Variants in EFR3B observed in about 807,000 individuals in gnomAD.
The protein encoded by EFR3B is EFR3 homolog B.
Under a neutral mutation model 104.7 loss-of-function variants are expected in EFR3B, and 64 were observed. The ratio of observed to expected loss-of-function variants is 0.61; its 90% CI spans 0.50 to 0.75. The LOEUF is 0.75. EFR3B is among the 30% of genes least tolerant of loss of function. EFR3B has a pLI of 0.00. For missense variants in EFR3B, 750 were observed against 1,078.5 expected (o/e 0.70, Z 4.27); for synonymous variants, 385 against 417.9 (o/e 0.92, Z 0.96).
At chr2:25,083,109 A>G (rs1200372188) in intron 1 of EFR3B, among the ~76,000 whole-genome samples, 2 of 152,218 alleles carry the variant, frequency 1.3e-5, no homozygotes, top group African/African-American at 4.8e-5. Context: ...CAGTGCAGCT[A>G]CATACTAGGG....
intron 21 of EFR3B, 110 bp downstream of exon 21, chr2:25,152,130 C>T: frequency 1.0e-5 from 10 of 965,882 alleles, no homozygotes; most frequent in Non-Finnish European, 1.6e-5. Flanking sequence ...CCACCAACCT[C>T]CCCCACCCCC....
chr2:25,051,394 C>T (rs1297746664), intron 1 of EFR3B, among the ~76,000 whole-genome samples: 1 of 151,514 alleles, frequency 6.6e-6, no homozygotes, highest in Non-Finnish European at 1.5e-5. Context: ...GGATTACAGG[C>T]GTGAGCCACC....
At chr2:25,088,303 A>T (rs1669015774) in intron 1 of EFR3B, among the ~76,000 whole-genome samples, 1 of 152,152 alleles carries the variant, frequency 6.6e-6, no homozygotes, top group African/African-American at 2.4e-5. Context: ...CCAGACAGGA[A>T]TGCAGGTTGA....
intron 1 of EFR3B, among the ~76,000 whole-genome samples, chr2:25,073,123 C>A (rs72807662): frequency 3.9e-5 from 6 of 152,028 alleles, no homozygotes; most frequent in Non-Finnish European, 5.9e-5. Context: ...AATTCAACAC[C>A]CAGATAAACA....
chr2:25,095,698 AAAC>A (rs1447225636), intron 3 of EFR3B, among the ~76,000 whole-genome samples: 4 of 152,146 alleles, frequency 2.6e-5, no homozygotes, highest in African/African-American at 9.7e-5. Context: ...CCTGTCTCAA[AAAC>A]AACAACAAAA....
At chr2:25,092,954 G>A (rs530010891) in intron 2 of EFR3B, 49 bp from the exon 3 acceptor site, 50 of 1,533,682 alleles carry the variant, frequency 3.3e-5, no homozygotes, top group African/African-American at 1.5e-4. Context: ...ACTTGAACTC[G>A]TCTAGCCATA....
rs184801343 is a variant in EFR3B, at chr2:25,065,393, G to A, written c.7+23074G>A. Among the ~76,000 whole-genome samples, 312 of 132,068 alleles carry A rather than the reference G, an allele frequency of 2.4e-3. 1 individual carries two copies. Among genetic ancestry groups the A allele is most frequent in the Middle Eastern group, 0.011 (2 of 186 alleles). The allele number at this position is 132,068 out of a possible 152,430, so 86.6% of individuals were successfully genotyped here. A position where few individuals can be genotyped will look rare whatever the true frequency, so the allele number is the denominator to read the frequency against. On this transcript the variant is annotated intron_variant, in intron 1 of 22. Coordinates refer to ENST00000403714, the MANE Select transcript of EFR3B (RefSeq NM_014971.2). ...TTTGGTTCAGATGAGTTCTCACTGC[G>A]TTGCCCAGGATGATCTCAAACTCCT...
chr2:25,050,434 G>A (rs1174716925), intron 1 of EFR3B, among the ~76,000 whole-genome samples: 1 of 152,216 alleles, frequency 6.6e-6, no homozygotes, highest in Admixed American at 6.5e-5. Context: ...AAAAAGCTCT[G>A]TGTGGGGGTG....
chr2:25,143,808 G>C lies in EFR3B; in HGVS notation c.1996G>C (p.Gly666Arg). 1 of 1,551,698 alleles carries C rather than the reference G, an allele frequency of 6.4e-7. No homozygotes were observed. Among genetic ancestry groups the C allele is most frequent in the Non-Finnish European group, 8.7e-7 (1 of 1,146,992 alleles). Residue 666 changes from glycine to arginine, a missense_variant, in exon 18 of 23, where the codon GGC becomes CGC. Transcript: ENST00000403714. ...GAGCAAGATCAGTGAAGTCCTGGGA[G>C]GCAGTGGCTACAACTCGGACCGGCT... ...RQSKISEVLG[G>R]SGYNSDRLCL... is the part of the protein sequence containing the mutation.
rs559833548 is a variant in EFR3B at position 25,141,469 on chromosome 2, C to T, written c.1922+36C>T. On this transcript the variant is annotated intron_variant, in intron 17 of 22. Coordinates refer to ENST00000403714, the MANE Select transcript of EFR3B (RefSeq NM_014971.2). ...GACGGGGGACGTGGTCAGGGATCCCCAGGGCAGCTGAGTAAGCAGGTGGGT... is the reference window on the plus strand; with the variant it reads ...GACGGGGGACGTGGTCAGGGATCCCTAGGGCAGCTGAGTAAGCAGGTGGGT... The T allele has an allele frequency of 1.9e-4, 291 of 1,548,628 alleles. 1 individual carries two copies. The highest frequency in any genetic ancestry group is 1.1e-3 in the South Asian group (94 of 83,674).
chr2:25,146,543 A>C (rs1307800600), intron 19 of EFR3B: 1 of 152,256 alleles, frequency 6.6e-6, no homozygotes, highest in Non-Finnish European at 1.5e-5. Flanking sequence ...CTCTCTCCCC[A>C]TAGTGGCGAT....
intron 5 of EFR3B, among the ~76,000 whole-genome samples, chr2:25,125,540 G>A (rs905282741): frequency 2.0e-5 from 3 of 152,296 alleles, no homozygotes; most frequent in South Asian, 2.1e-4. Context: ...CTTGCCCATC[G>A]CCAGTGGCCC....
At chr2:25,135,760 T>TA in intron 13 of EFR3B, 121 bp downstream of exon 13, 1 of 1,174,680 alleles carries the variant, frequency 8.5e-7, no homozygotes, top group Non-Finnish European at 1.2e-6. Flanking sequence ...TATTGTGGGA[T>TA]CTGAGTATCC....
intron 4 of EFR3B, 64 bp downstream of exon 4, chr2:25,103,851 G>A: frequency 3.2e-6 from 5 of 1,539,168 alleles, no homozygotes; most frequent in Non-Finnish European, 3.5e-6. Context: ...CAGGGGAGAG[G>A]GAGACCTCGG....
chr2:25,137,197 C>T lies in EFR3B; in HGVS notation c.1561-144C>T. 1 of 895,210 alleles carries T rather than the reference C, an allele frequency of 1.1e-6. No individual in the cohort carries two copies. Among genetic ancestry groups the T allele is most frequent in the South Asian group, 1.7e-5 (1 of 59,068 alleles). The allele number at this position is 895,210 out of a possible 1,614,324, so 55.5% of individuals were successfully genotyped here. On this transcript the variant is annotated intron_variant, in intron 14 of 22. Transcript: ENST00000403714. This position sits in a 1 kb window ranked among gnomAD's most constrained non-coding sequence, Gnocchi z 4.7. ...TGTGTGTGTCTGCTTCTGCCAGAGC[C>T]CGCTTTAAAGGCATCCCCTCCCCAA...
At chr2:25,121,087 A>T (rs1049738925) in intron 4 of EFR3B, among the ~76,000 whole-genome samples, 1 of 152,094 alleles carries the variant, frequency 6.6e-6, no homozygotes, top group Non-Finnish European at 1.5e-5. Flanking sequence ...TTTCTAGTAG[A>T]GACAGGGTTT....
At chr2:25,078,560 G>A (rs1420432497) in intron 1 of EFR3B, among the ~76,000 whole-genome samples, 2 of 152,198 alleles carry the variant, frequency 1.3e-5, no homozygotes. Context: ...TCAAAGGCAG[G>A]TGAAGTCACA....
At chr2:25,081,581 A>C in intron 1 of EFR3B, 1 of 866,940 alleles carries the variant, frequency 1.2e-6, no homozygotes, top group Non-Finnish European at 2.0e-6. Flanking sequence ...TTATTCAACA[A>C]TCCATAACTT....
intron 1 of EFR3B, among the ~76,000 whole-genome samples, chr2:25,048,256 C>T (rs1667775563): frequency 6.6e-6 from 1 of 152,136 alleles, no homozygotes; most frequent in East Asian, 1.9e-4. Context: ...TTAAGTGATT[C>T]TCCCACCTCA....
Sources: gnomAD v4.1 joint callset for allele counts (sites outside exome capture counted in the v4.1 genomes callset) on GRCh38, gnomAD v4.1.1 for gene constraint, Gnocchi (gnomAD v3.1) non-coding constraint, MANE v1.5 for transcripts, NCBI Gene and HGNC (gene_info 2026-07-23, HGNC 2026-07-21) for gene names.